EYS: variants seen among roughly 807,000 people sequenced by gnomAD.
EYS encodes the protein EGF-like photoreceptor maintenance factor.
Under a neutral mutation model 282.1 loss-of-function variants are expected in EYS, and 250 were observed. The ratio of observed to expected loss-of-function variants is 0.89; its 90% confidence interval spans 0.80 to 0.98. EYS has a LOEUF of 0.98. Among genes scored for constraint, EYS ranks in the 50% least tolerant of loss-of-function variants. The pLI is 0.00. For missense variants in EYS, 4,016 were observed against 3,709.0 expected, an observed-to-expected ratio of 1.08 and a Z score of -2.15; for synonymous variants, 1,355 against 1,282.9, an observed-to-expected ratio of 1.06 and a Z score of -1.20.
intron 12 of EYS, among the ~76,000 whole-genome samples, chr6:65,135,327 T>G (rs755441879): frequency 1.3e-5 from 2 of 152,088 alleles, no homozygotes; most frequent in Non-Finnish European, 2.9e-5. Context: ...ATTCATTTTA[T>G]GAAGTTGTGT....
Position 65,203,983 on chromosome 6 carries a change from T to C in EYS, c.2023+91880A>G, listed in dbSNP as rs908252950. Among the ~76,000 whole-genome samples the C allele has an allele frequency of 4.6e-5, 7 of 151,950 alleles. No homozygotes were observed. The East Asian group carries it at 1.4e-3, about 29-fold the overall frequency. ...AAGAATTTCAGAGCTTGAATACCAG[T>C]CTTTCAAATCAATATGGTCAGAAAA... On this transcript the variant is annotated intron_variant, in intron 12 of 42. Transcript: ENST00000503581.
intron 30 of EYS, among the ~76,000 whole-genome samples, chr6:64,248,076 G>A (rs183757500): frequency 6.6e-6 from 1 of 152,250 alleles, no homozygotes; most frequent in African/African-American, 2.4e-5. Flanking sequence ...AGTCTGTGAT[G>A]TTAGGAAGGG....
intron 35 of EYS, among the ~76,000 whole-genome samples, chr6:63,974,018 G>A (rs891779225): frequency 3.9e-5 from 6 of 152,070 alleles, no homozygotes; most frequent in African/African-American, 1.4e-4. Context: ...GGATTGGTTT[G>A]TTTTCTTTCT....
chr6:63,837,714 T>C (rs12110344), intron 36 of EYS, among the ~76,000 whole-genome samples: 18,292 of 152,164 alleles, frequency 0.12, 1,320 homozygotes, highest in African/African-American at 0.19. Context: ...TTAAGAACTA[T>C]TGGACTCTGT....
rs181483622 is a variant in EYS at position 64,094,944 on chromosome 6, G to A, written c.6425-12942C>T. Among the ~76,000 whole-genome samples, 485 of 152,146 alleles carry A rather than the reference G, an allele frequency of 3.2e-3. 3 individuals are homozygous for A. Among genetic ancestry groups the A allele is most frequent in the Middle Eastern group, 0.027 (8 of 294 alleles). ...CGTTGAATGTGTCCCAGAGATTCTG[G>A]TATGTTGTGTCTTTGTTCTCGTTGG... On this transcript the variant is annotated intron_variant, in intron 31 of 42. Transcript: ENST00000503581.
chr6:64,797,530 G>T (rs995669773), intron 22 of EYS, among the ~76,000 whole-genome samples: 2 of 151,510 alleles, frequency 1.3e-5, no homozygotes, highest in Non-Finnish European at 2.9e-5. Flanking sequence ...TGATTAAAAG[G>T]GTATATTTAA....
At chr6:65,604,011 T>A (rs1052462309) in intron 2 of EYS, among the ~76,000 whole-genome samples, 2 of 151,864 alleles carry the variant, frequency 1.3e-5, no homozygotes, top group African/African-American at 4.8e-5. Context: ...CAGGTACTTA[T>A]ATGTGAATTA....
chr6:64,861,189 AG>A (rs1435565502), intron 19 of EYS, among the ~76,000 whole-genome samples: 1 of 152,186 alleles, frequency 6.6e-6, no homozygotes, highest in Non-Finnish European at 1.5e-5. Context: ...AACTGCCCTT[AG>A]CCCCTGCCTC....
intron 14 of EYS, among the ~76,000 whole-genome samples, chr6:64,959,808 C>A (rs1769852200): frequency 6.6e-6 from 1 of 151,690 alleles, no homozygotes; most frequent in Non-Finnish European, 1.5e-5. Context: ...ATTGGTTAAT[C>A]CCTGAGTAAC....
intron 12 of EYS, among the ~76,000 whole-genome samples, chr6:65,291,647 A>G (rs879302537): frequency 1.3e-5 from 2 of 151,550 alleles, no homozygotes; most frequent in Non-Finnish European, 3.0e-5. Flanking sequence ...ACTAAAGGAA[A>G]ATGCTCCAGG....
chr6:65,155,015 C>T (rs1402385897), intron 12 of EYS, among the ~76,000 whole-genome samples: 3 of 151,440 alleles, frequency 2.0e-5, no homozygotes, highest in African/African-American at 7.3e-5. Flanking sequence ...TCATATAATA[C>T]ATCTTGAAAT....
chr6:64,181,603 A>T (rs1764789359), intron 31 of EYS, among the ~76,000 whole-genome samples: 1 of 152,134 alleles, frequency 6.6e-6, no homozygotes, highest in Non-Finnish European at 1.5e-5. Flanking sequence ...TTGAATTTTC[A>T]CAGGGCCTTA....
intron 7 of EYS, among the ~76,000 whole-genome samples, chr6:65,395,890 A>T (rs546542984): frequency 6.6e-6 from 1 of 152,110 alleles, no homozygotes; most frequent in Non-Finnish European, 1.5e-5. Flanking sequence ...GAAAACCAGT[A>T]TTCTGTTTCT....
chr6:64,990,954 T>C (rs1057316546), intron 14 of EYS, among the ~76,000 whole-genome samples: 1 of 151,488 alleles, frequency 6.6e-6, no homozygotes, highest in African/African-American at 2.4e-5. Flanking sequence ...TTCAAAACAA[T>C]AGTTTAAAAG....
At chr6:64,671,177 G>C (rs982021018) in intron 22 of EYS, among the ~76,000 whole-genome samples, 1 of 152,106 alleles carries the variant, frequency 6.6e-6, no homozygotes, top group Non-Finnish European at 1.5e-5. Flanking sequence ...CAGACCATCT[G>C]CCATGGTCTG....
intron 2 of EYS, among the ~76,000 whole-genome samples, chr6:65,496,986 A>T (rs1766278968): frequency 6.6e-6 from 1 of 152,066 alleles, no homozygotes; most frequent in Non-Finnish European, 1.5e-5. Context: ...AAATCTATGA[A>T]ATATAAATTC....
chr6:65,587,616 C>T (rs907303856), intron 2 of EYS, among the ~76,000 whole-genome samples: 1 of 152,006 alleles, frequency 6.6e-6, no homozygotes, highest in Non-Finnish European at 1.5e-5. Context: ...AATACTCAGT[C>T]TCAGGTATGT....
At chr6:64,094,416 A>G (rs1042505241) in intron 31 of EYS, among the ~76,000 whole-genome samples, 2 of 152,140 alleles carry the variant, frequency 1.3e-5, no homozygotes, top group African/African-American at 4.8e-5. Context: ...GCTATTAATT[A>G]TTGCCTCAAT....
At chr6:64,658,571 C>T (rs1357192611) in intron 22 of EYS, among the ~76,000 whole-genome samples, 1 of 152,212 alleles carries the variant, frequency 6.6e-6, no homozygotes, top group Non-Finnish European at 1.5e-5. Context: ...TTTCTTCTAA[C>T]AGTCAGGACC....
Sources: gnomAD v4.1 joint callset for allele counts (sites outside exome capture counted in the v4.1 genomes callset) on GRCh38, gnomAD v4.1.1 for gene constraint, MANE v1.5 for transcripts, NCBI Gene and HGNC (gene_info 2026-07-23, HGNC 2026-07-21) for gene names.